Variants in DLG2 observed in about 807,000 individuals in gnomAD.
The protein encoded by DLG2 is discs large MAGUK scaffold protein 2.
Under a neutral mutation model 132.5 loss-of-function variants are expected in DLG2, and 45 were observed. The ratio of observed to expected loss-of-function variants is 0.34; its 90% CI spans 0.27 to 0.44. The LOEUF (loss-of-function observed/expected upper bound fraction) is 0.44. Ranked by LOEUF, DLG2 falls within the 20% of genes least tolerant of loss-of-function variation. The pLI is 1.00. For missense variants in DLG2, 1,045 were observed against 1,196.9 expected (o/e 0.87, Z 1.87); for synonymous variants, 424 against 419.6 (o/e 1.01, Z -0.13).
intron 14 of DLG2, among the ~76,000 whole-genome samples, chr11:83,950,924 C>A (rs537929915): frequency 6.6e-6 from 1 of 152,122 alleles, no homozygotes; most frequent in African/African-American, 2.4e-5. Flanking sequence ...CTGCCCCCCC[C>A]TCCACACTTC....
chr11:83,899,844 T>C lies in DLG2; in HGVS notation c.1497-25356A>G, dbSNP rs188380539. 5.9e-5 allele frequency among the ~76,000 whole-genome samples: 9 copies of C among 152,336 alleles called. No individual in the cohort carries two copies. The East Asian group carries it at 1.7e-3, about 29-fold the overall frequency. On this transcript the variant is annotated intron_variant, in intron 15 of 27. Transcript: ENST00000376104. ...ATACCCAAAAATGTGGAAGCAACTT[T>C]GGAACTTGGTAATAGGCAGAGGCTG...
At chr11:85,459,980 A>G (rs1051290071) in intron 3 of DLG2, among the ~76,000 whole-genome samples, 6 of 152,204 alleles carry the variant, frequency 3.9e-5, no homozygotes, top group African/African-American at 1.4e-4. Context: ...AGTACTCTGC[A>G]GAGCCTGAAG....
intron 7 of DLG2, among the ~76,000 whole-genome samples, chr11:84,400,497 T>C (rs1175446942): frequency 6.6e-6 from 1 of 152,198 alleles, no homozygotes; most frequent in Non-Finnish European, 1.5e-5. Flanking sequence ...AGGGCTTCAA[T>C]GCTAATTTGT....
At chr11:84,573,250 T>G (rs1478201420) in intron 6 of DLG2, among the ~76,000 whole-genome samples, 1 of 152,162 alleles carries the variant, frequency 6.6e-6, no homozygotes, top group African/African-American at 2.4e-5. Flanking sequence ...TTTTTACTAT[T>G]ACTAAAATGT....
intron 14 of DLG2, 143 bp downstream of exon 14, chr11:83,962,742 T>C: frequency 1.0e-6 from 1 of 1,002,924 alleles, no homozygotes; most frequent in Non-Finnish European, 1.5e-6. Context: ...ACAGTTGCAA[T>C]GCACCTGAGG....
chr11:83,629,275 T>C (rs933303253), intron 19 of DLG2, among the ~76,000 whole-genome samples: 1 of 152,164 alleles, frequency 6.6e-6, no homozygotes, highest in African/African-American at 2.4e-5. Flanking sequence ...GCACATAATA[T>C]ACACTCAAAA....
chr11:85,216,486 G>A (rs776076150), intron 4 of DLG2, among the ~76,000 whole-genome samples: 1 of 152,078 alleles, frequency 6.6e-6, no homozygotes, highest in Non-Finnish European at 1.5e-5. Flanking sequence ...TTTGCACCAG[G>A]TTTGTATGCA....
rs112644463 is a variant in DLG2 at position 83,758,283 on chromosome 11, C to T, written c.1825+28407G>A. Among the ~76,000 whole-genome samples, 626 of 152,176 alleles carry T rather than the reference C, an allele frequency of 4.1e-3. 7 individuals carry two copies. Among genetic ancestry groups the T allele is most frequent in the African/African-American group, 0.014 (587 of 41,546 alleles). ...AGCCTTCTTGGTCCCTTTTCAGGCC[C>T]CACACGTCTTTCCACATCACATCCA... On this transcript the variant is annotated intron_variant, in intron 18 of 27. Transcript: ENST00000376104.
chr11:84,467,856 G>A (rs899357419), intron 7 of DLG2, among the ~76,000 whole-genome samples: 5 of 151,378 alleles, frequency 3.3e-5, no homozygotes, highest in Non-Finnish European at 7.4e-5. Flanking sequence ...AAGATAATCT[G>A]GCTATCTACT....
At chr11:84,544,010 A>C (rs1156441434) in intron 6 of DLG2, among the ~76,000 whole-genome samples, 1 of 152,218 alleles carries the variant, frequency 6.6e-6, no homozygotes, top group Non-Finnish European at 1.5e-5. Context: ...GCCAGGAAGG[A>C]TGCTTCATGA....
intron 6 of DLG2, among the ~76,000 whole-genome samples, chr11:84,933,090 G>T (rs1461225990): frequency 6.6e-6 from 1 of 152,114 alleles, no homozygotes; most frequent in Non-Finnish European, 1.5e-5. Context: ...TTGTGGGTTT[G>T]ATTTGCATTT....
intron 7 of DLG2, among the ~76,000 whole-genome samples, chr11:84,366,325 G>A (rs1161199422): frequency 1.3e-5 from 2 of 151,876 alleles, no homozygotes; most frequent in Non-Finnish European, 2.9e-5. Flanking sequence ...ACTAAACATG[G>A]AAAGGAACAA....
intron 7 of DLG2, among the ~76,000 whole-genome samples, chr11:84,502,744 C>A (rs895035040): frequency 1.3e-4 from 20 of 151,970 alleles, no homozygotes; most frequent in Non-Finnish European, 2.9e-5. Context: ...TGAGTGTTTA[C>A]TTATTTCACT....
At position 85,177,101 on chromosome 11, in the gene DLG2, C is replaced by T. The variant is rs1295613071; in HGVS notation, c.187-22450G>A. ...GCCATTTGACCCAGCAATCCCATTA[C>T]TGAGTATATACCCAAAGGAATATAA... On this transcript the variant is annotated intron_variant, in intron 4 of 27. Transcript: ENST00000376104. Among the ~76,000 whole-genome samples, 5 of 152,078 alleles carry T rather than the reference C, an allele frequency of 3.3e-5. No homozygotes were observed. The East Asian group carries it at 5.8e-4, about 18-fold the overall frequency.
Position 85,341,855 on chromosome 11 carries a change from A to G in DLG2, c.41-56490T>C, listed in dbSNP as rs73525490. On this transcript the variant is annotated intron_variant, in intron 3 of 27. Coordinates refer to ENST00000376104, the MANE Select transcript of DLG2 (RefSeq NM_001142699.3). ...TTGCTCGTAGGCTACAAACCTGTAC[A>G]GCATGTTATTGCACTGAATACTGTA... 2.6e-3 allele frequency among the ~76,000 whole-genome samples: 390 copies of G among 152,368 alleles called. 4 individuals carry two copies. The highest frequency in any genetic ancestry group is 9.1e-3 in the African/African-American group (378 of 41,596).
chr11:84,880,060 C>T (rs1198474490), intron 6 of DLG2, among the ~76,000 whole-genome samples: 1 of 151,976 alleles, frequency 6.6e-6, no homozygotes, highest in African/African-American at 2.4e-5. Flanking sequence ...AAGAATCATA[C>T]TATTAATATG....
At chr11:84,204,114 T>C (rs1360089868) in intron 8 of DLG2, among the ~76,000 whole-genome samples, 2 of 152,152 alleles carry the variant, frequency 1.3e-5, no homozygotes, top group Middle Eastern at 3.4e-3. Context: ...CCCACCACCA[T>C]GCCCGGCTAA....
intron 8 of DLG2, among the ~76,000 whole-genome samples, chr11:84,182,823 G>T (rs2096174678): frequency 6.6e-6 from 1 of 151,816 alleles, no homozygotes; most frequent in African/African-American, 2.4e-5. Flanking sequence ...TTTTTGAAAA[G>T]ATCAGTAAAA....
intron 3 of DLG2, among the ~76,000 whole-genome samples, chr11:85,560,101 A>G (rs960498048): frequency 6.6e-6 from 1 of 151,892 alleles, no homozygotes; most frequent in Admixed American, 6.6e-5. Context: ...GTTTGCAAGG[A>G]TATGGAGAAA....
Sources: gnomAD v4.1 joint callset for allele counts (sites outside exome capture counted in the v4.1 genomes callset) on GRCh38, gnomAD v4.1.1 for gene constraint, MANE v1.5 for transcripts, NCBI Gene and HGNC (gene_info 2026-07-23, HGNC 2026-07-21) for gene names.